Variants in COL15A1 observed in about 807,000 individuals in gnomAD.
COL15A1 encodes the protein collagen type XV alpha 1 chain.
Under a neutral mutation model 165.9 loss-of-function variants are expected in COL15A1, and 111 were observed. That is an observed-to-expected ratio of 0.67 (90% CI 0.57 to 0.78). The LOEUF is 0.78. Ranked by LOEUF, COL15A1 falls within the 30% of genes least tolerant of loss-of-function variation. COL15A1 has a pLI of 0.00. For missense variants in COL15A1, 1,745 were observed against 1,789.7 expected (o/e 0.98, Z 0.45); for synonymous variants, 659 against 674.8 (o/e 0.98, Z 0.36).
chr9:99,025,934 G>A lies in COL15A1; in HGVS notation c.2011G>A (p.Ala671Thr). Residue 671 changes from alanine to threonine, a missense_variant, in exon 16 of 42, where the codon GCC (alanine) becomes ACC (threonine). Physicochemically the swap from Ala to Thr is moderately conservative, Grantham distance 58 (BLOSUM62 0). Transcript: ENST00000375001. ...GPEGQPGVDG[A>T]TGLPGMKGEK... ...TGAGGGACAGCCTGGAGTTGATGGAGCCACCGGCCTTCCCGGGATGAAAGG... is the reference window on the plus strand; with the variant it reads ...TGAGGGACAGCCTGGAGTTGATGGAACCACCGGCCTTCCCGGGATGAAAGG... 1 of 1,612,912 alleles carries A rather than the reference G, an allele frequency of 6.2e-7. No homozygotes were observed. The highest frequency in any genetic ancestry group is 8.5e-7 in the Non-Finnish European group (1 of 1,179,564).
At chr9:98,970,548 A>G in intron 2 of COL15A1, among the ~76,000 whole-genome samples, 1 of 152,070 alleles carries the variant, frequency 6.6e-6, no homozygotes, top group South Asian at 2.1e-4. Context: ...CCCCTACAAC[A>G]CCCCAGCTTC....
rs748308539 is a variant in COL15A1 at position 99,015,567 on chromosome 9, G to A, written c.1503+1G>A. 3 of 1,613,274 alleles carry A rather than the reference G, an allele frequency of 1.9e-6. No homozygotes were observed. The highest frequency in any genetic ancestry group is 2.5e-6 in the Non-Finnish European group (3 of 1,179,682). ...GGCCCCTGAGCGGGCAGTCACTTCT[G>A]TAAGTGTCATCTTGTGTCCTCTCTG... On this transcript the variant is annotated splice_donor_variant, in intron 10 of 41. Coordinates refer to ENST00000375001, the MANE Select transcript of COL15A1 (RefSeq NM_001855.5). LOFTEE classifies it high-confidence loss of function.
At chr9:98,980,848 C>A (rs191979521) in intron 2 of COL15A1, among the ~76,000 whole-genome samples, 113 of 152,286 alleles carry the variant, frequency 7.4e-4, no homozygotes, top group Non-Finnish European at 1.0e-4. Flanking sequence ...TGGACCTCTC[C>A]CAAATTGCAT....
chr9:99,009,211 A>G (rs935323241), intron 9 of COL15A1, among the ~76,000 whole-genome samples: 5 of 152,218 alleles, frequency 3.3e-5, no homozygotes, highest in African/African-American at 1.2e-4. Flanking sequence ...AAGCAAAACA[A>G]CTGTGGATGA....
chr9:99,046,733 C>T (rs1432151477), intron 26 of COL15A1, among the ~76,000 whole-genome samples: 1 of 152,206 alleles, frequency 6.6e-6, no homozygotes, highest in African/African-American at 2.4e-5. Context: ...CCACGTCCCT[C>T]CCATGACATG....
chr9:98,950,761 T>C (rs1837674316), intron 2 of COL15A1, among the ~76,000 whole-genome samples: 1 of 151,858 alleles, frequency 6.6e-6, no homozygotes. Flanking sequence ...ACTACAGGCA[T>C]GCCCAGCTCA....
Position 98,944,216 on chromosome 9 carries a change from C to G in COL15A1, c.66C>G (p.Pro22=). The G allele has an allele frequency of 6.2e-7, 1 of 1,614,064 alleles. No homozygotes were observed. The highest frequency in any genetic ancestry group is 1.3e-5 in the African/African-American group (1 of 75,050). ...TGATGCTGCTCTCGGTCTCCACGCC[C>G]CTCCCTGCTGTCACCCAGACCCGCG... is the stretch of plus-strand genomic sequence containing the variant. ...CLLMLLSVST[P]LPAVTQTRGA... is the part of the protein sequence containing the mutation. Residue 22 remains proline, a synonymous_variant, in exon 2 of 42, where the codon CCC becomes CCG. Transcript: ENST00000375001.
At chr9:99,026,340 C>T (rs1839123517) in intron 16 of COL15A1, among the ~76,000 whole-genome samples, 1 of 152,220 alleles carries the variant, frequency 6.6e-6, no homozygotes, top group Non-Finnish European at 1.5e-5. Flanking sequence ...CTGAGCTGGA[C>T]TCATCTCTTC....
chr9:98,989,761 C>A (rs1342777174), intron 5 of COL15A1, among the ~76,000 whole-genome samples: 2 of 152,180 alleles, frequency 1.3e-5, no homozygotes, highest in African/African-American at 4.8e-5. Flanking sequence ...ACAGTCAGGA[C>A]CCCAGTCTTG....
chr9:98,961,739 A>G (rs35994439), intron 2 of COL15A1, among the ~76,000 whole-genome samples: 55,480 of 152,098 alleles, frequency 0.36, 10,545 homozygotes, highest in East Asian at 0.56. Context: ...TGGTCTAGGT[A>G]GAGTGCAGTC....
In COL15A1 at chr9:99,038,602, G is replaced by A. The variant is rs114524956; in HGVS notation, c.2410-66G>A. On this transcript the variant is annotated intron_variant, in intron 21 of 41. Coordinates refer to ENST00000375001, the MANE Select transcript of COL15A1 (RefSeq NM_001855.5). ...GCTGGGTGACTTTAATTAAAGCTTTGCTGCCAGGAACAAGGCAGAACACAT... is the reference window on the plus strand; with the variant it reads ...GCTGGGTGACTTTAATTAAAGCTTTACTGCCAGGAACAAGGCAGAACACAT... 1,010 of 1,005,150 alleles carry A rather than the reference G, an allele frequency of 1.0e-3. 7 individuals are homozygous for A. The African/African-American group carries it at 0.014, about 14-fold the overall frequency. 62.3% of individuals were successfully genotyped at this position (1,005,150 alleles called of 1,614,324 possible).
intron 31 of COL15A1, among the ~76,000 whole-genome samples, chr9:99,054,271 G>A (rs10988691): frequency 0.046 from 6,966 of 152,286 alleles, 221 homozygotes; most frequent in Non-Finnish European, 0.07. Context: ...AGGGTTAGCC[G>A]CAGCCTCTGC....
intron 2 of COL15A1, among the ~76,000 whole-genome samples, chr9:98,960,946 C>A (rs1837855323): frequency 6.6e-6 from 1 of 152,148 alleles, no homozygotes; most frequent in African/African-American, 2.4e-5. Context: ...AGGACCAAGT[C>A]ATTTGTGTTT....
chr9:98,998,813 T>C (rs1428596339), intron 6 of COL15A1, among the ~76,000 whole-genome samples: 1 of 152,208 alleles, frequency 6.6e-6, no homozygotes, highest in Non-Finnish European at 1.5e-5. Context: ...ACACTCCTTA[T>C]CTAGCAGACA....
At chr9:99,047,111 A>G (rs1270545381) in intron 26 of COL15A1, among the ~76,000 whole-genome samples, 3 of 152,220 alleles carry the variant, frequency 2.0e-5, no homozygotes, top group African/African-American at 7.2e-5. Flanking sequence ...ATACATCATC[A>G]GTGGTGTTGT....
intron 2 of COL15A1, among the ~76,000 whole-genome samples, chr9:98,952,398 T>A (rs1837702981): frequency 6.6e-6 from 1 of 152,222 alleles, no homozygotes; most frequent in African/African-American, 2.4e-5. Flanking sequence ...GGATAAAAAT[T>A]TATTTCCCAG....
At chr9:99,060,849 C>T (rs549707723) in intron 36 of COL15A1, among the ~76,000 whole-genome samples, 1 of 151,992 alleles carries the variant, frequency 6.6e-6, no homozygotes, top group Admixed American at 6.6e-5. Flanking sequence ...CACTGCACTC[C>T]AGCCTGGGTG....
At chr9:99,022,711 CA>C (rs1839047723) in intron 13 of COL15A1, among the ~76,000 whole-genome samples, 1 of 152,248 alleles carries the variant, frequency 6.6e-6, no homozygotes, top group African/African-American at 2.4e-5. Flanking sequence ...GGGTGCCTCT[CA>C]GGGGGTGCTC....
chr9:99,017,885 G>A (rs1490231392), intron 11 of COL15A1, among the ~76,000 whole-genome samples: 1 of 152,164 alleles, frequency 6.6e-6, no homozygotes, highest in African/African-American at 2.4e-5. Flanking sequence ...GCTTAGAATA[G>A]TATAATTAAC....
Sources: allele counts gnomAD v4.1 joint callset (sites outside exome capture counted in the v4.1 genomes callset), GRCh38; gene constraint gnomAD v4.1.1; transcripts MANE v1.5; gene names NCBI Gene and HGNC (gene_info 2026-07-23, HGNC 2026-07-21).